Variants in SLC25A12 observed in about 807,000 individuals in gnomAD.
SLC25A12 encodes the protein solute carrier family 25 member 12.
Under a neutral mutation model 83.3 loss-of-function variants are expected in SLC25A12, and 32 were observed. The ratio of observed to expected loss-of-function variants is 0.38; its 90% CI spans 0.29 to 0.52. The LOEUF (loss-of-function observed/expected upper bound fraction) is 0.52, where lower values mean the gene tolerates loss of function less well. SLC25A12 is among the 20% of genes least tolerant of loss of function. SLC25A12 has a pLI of 0.84. For synonymous variants in SLC25A12, 267 were observed against 291.1 expected, an observed-to-expected ratio of 0.92 and a Z score of 0.84; for missense variants, 611 against 835.6, an observed-to-expected ratio of 0.73 and a Z score of 3.31.
chr2:171,838,872 G>A (rs1684614366), intron 5 of SLC25A12, among the ~76,000 whole-genome samples: 1 of 152,008 alleles, frequency 6.6e-6, no homozygotes, highest in Admixed American at 6.6e-5. Context: ...TATTGAAGCT[G>A]GTTATAGGTC....
intron 6 of SLC25A12, 119 bp downstream of exon 6, chr2:171,837,002 C>T: frequency 1.1e-6 from 1 of 942,750 alleles, no homozygotes; most frequent in Non-Finnish European, 1.7e-6. Context: ...TTACTTTCTA[C>T]CAACCAAGCA....
At chr2:171,831,248 C>A (rs1684424768) in intron 8 of SLC25A12, among the ~76,000 whole-genome samples, 1 of 152,152 alleles carries the variant, frequency 6.6e-6, no homozygotes, top group Admixed American at 6.5e-5. Context: ...TGCCACAGAC[C>A]CCATTTTAGG....
chr2:171,880,255 C>A (rs947942361), intron 2 of SLC25A12, among the ~76,000 whole-genome samples: 13 of 151,534 alleles, frequency 8.6e-5, no homozygotes, highest in African/African-American at 3.2e-4. Flanking sequence ...GTTAGAATTA[C>A]AACAAACTTT....
chr2:171,881,434 T>C (rs1032428986), intron 2 of SLC25A12, among the ~76,000 whole-genome samples: 1 of 152,076 alleles, frequency 6.6e-6, no homozygotes, highest in African/African-American at 2.4e-5. Flanking sequence ...TTACAGGCCA[T>C]CGCGCCCGGC....
intron 2 of SLC25A12, among the ~76,000 whole-genome samples, chr2:171,872,411 T>A (rs1355637427): frequency 2.0e-5 from 3 of 152,106 alleles, no homozygotes; most frequent in African/African-American, 7.2e-5. Context: ...TACGAGATAA[T>A]TGGACATGTT....
At chr2:171,787,244 G>A (rs897083498) in intron 17 of SLC25A12, among the ~76,000 whole-genome samples, 1 of 152,120 alleles carries the variant, frequency 6.6e-6, no homozygotes, top group African/African-American at 2.4e-5. Context: ...AGGATCGCTT[G>A]AGCCCGGGAG....
chr2:171,854,241 G>A (rs1169358906), intron 4 of SLC25A12, among the ~76,000 whole-genome samples: 1 of 152,310 alleles, frequency 6.6e-6, no homozygotes, highest in Non-Finnish European at 1.5e-5. Flanking sequence ...CAAAGGAGGA[G>A]GATGCCAAGA....
At chr2:171,876,357 G>T (rs1406352184) in intron 2 of SLC25A12, among the ~76,000 whole-genome samples, 1 of 152,128 alleles carries the variant, frequency 6.6e-6, no homozygotes, top group African/African-American at 2.4e-5. Context: ...CAATTACTTG[G>T]CAATGTCTGT....
At chr2:171,851,035 G>A (rs1194056788) in intron 4 of SLC25A12, among the ~76,000 whole-genome samples, 1 of 152,194 alleles carries the variant, frequency 6.6e-6, no homozygotes, top group Non-Finnish European at 1.5e-5. Flanking sequence ...CAGAGGGTGA[G>A]GATGTGTCCT....
At chr2:171,848,721 T>C (rs911569953) in intron 4 of SLC25A12, among the ~76,000 whole-genome samples, 2 of 152,230 alleles carry the variant, frequency 1.3e-5, no homozygotes, top group Admixed American at 1.3e-4. Flanking sequence ...CCCAGACTTC[T>C]GGGTTCTCCT....
At chr2:171,799,348 T>C (rs543624162) in intron 13 of SLC25A12, among the ~76,000 whole-genome samples, 11 of 152,254 alleles carry the variant, frequency 7.2e-5, no homozygotes, top group Admixed American at 1.3e-4. Flanking sequence ...CTATATGTGT[T>C]CACATAAGTA....
chr2:171,882,414 C>T (rs906596333), intron 2 of SLC25A12, among the ~76,000 whole-genome samples: 1 of 152,152 alleles, frequency 6.6e-6, no homozygotes, highest in Non-Finnish European at 1.5e-5. Context: ...CTAGACTTAA[C>T]CTAGAAATTG....
In SLC25A12 at chr2:171,892,608, C is replaced by T. The variant is rs1044797523; in HGVS notation, c.66+597G>A. 3.9e-5 allele frequency among the ~76,000 whole-genome samples: 6 copies of T among 152,196 alleles called. No individual in the cohort carries two copies. The East Asian group carries it at 5.8e-4, about 15-fold the overall frequency. ...AAAGCAAAACAAAAAACTAAGCCAA[C>T]CTTTTTTTTTTCTTTTTTCTTTTCT... is the stretch of plus-strand genomic sequence containing the variant. On this transcript the variant is annotated intron_variant, in intron 2 of 17. Coordinates refer to ENST00000422440, the MANE Select transcript of SLC25A12 (RefSeq NM_003705.5).
intron 4 of SLC25A12, among the ~76,000 whole-genome samples, chr2:171,846,613 C>T (rs1312124311): frequency 1.3e-5 from 2 of 152,136 alleles, no homozygotes; most frequent in African/African-American, 2.4e-5. Flanking sequence ...AGAGACCAAC[C>T]TGGTCCCCAT....
chr2:171,800,538 T>A (rs909409769), intron 13 of SLC25A12, among the ~76,000 whole-genome samples: 2 of 152,212 alleles, frequency 1.3e-5, no homozygotes, highest in Non-Finnish European at 1.5e-5. Flanking sequence ...TAGGAGACTA[T>A]AAAATGATCC....
intron 13 of SLC25A12, 130 bp downstream of exon 13, chr2:171,809,476 A>G (rs1683906625): frequency 2.5e-6 from 2 of 784,562 alleles, no homozygotes; most frequent in Non-Finnish European, 4.5e-6. Context: ...CTTATTCCAT[A>G]TGATTATTGA....
At chr2:171,846,701 G>T (rs1684804359) in intron 4 of SLC25A12, among the ~76,000 whole-genome samples, 1 of 152,120 alleles carries the variant, frequency 6.6e-6, no homozygotes, top group Non-Finnish European at 1.5e-5. Flanking sequence ...ATCTACTCAG[G>T]AGGCTGAGGC....
rs776118432 is a variant in SLC25A12, at chr2:171,785,300, T to C, written c.2011A>G (p.Lys671Glu). 6.2e-7 allele frequency: 1 copy of C among 1,614,196 alleles called. No individual in the cohort carries two copies. The highest frequency in any genetic ancestry group is 8.5e-7 in the Non-Finnish European group (1 of 1,180,026). ...CACTGAGTGGCTGCCACTGCTGCCT[T>C]TGGCTGAACCACAGCAACACTAGGA... ...KSPSVAVVQP[K>E]AAVAATQ The change falls in exon 18 of 18, where the codon AAG (lysine) becomes GAG (glutamate). Residue 671 changes from lysine to glutamate, a missense_variant. Transcript: ENST00000422440.
At chr2:171,805,691 A>G (rs1342760701) in intron 13 of SLC25A12, among the ~76,000 whole-genome samples, 1 of 152,260 alleles carries the variant, frequency 6.6e-6, no homozygotes, top group Non-Finnish European at 1.5e-5. Flanking sequence ...GATTCAAGCT[A>G]CATCAAAAGC....
Sources: gnomAD v4.1 joint callset for allele counts (sites outside exome capture counted in the v4.1 genomes callset) on GRCh38, gnomAD v4.1.1 for gene constraint, MANE v1.5 for transcripts, NCBI Gene and HGNC (gene_info 2026-07-23, HGNC 2026-07-21) for gene names.